Variants in BMPR1B observed in about 807,000 individuals in gnomAD.
The protein encoded by BMPR1B is bone morphogenetic protein receptor type-1B.
Under a neutral mutation model 59.1 loss-of-function variants are expected in BMPR1B, and 12 were observed. That is an observed-to-expected ratio of 0.20 (90% confidence interval 0.13 to 0.33). The LOEUF (loss-of-function observed/expected upper bound fraction) is 0.33, where lower values mean the gene tolerates loss of function less well. Ranked by LOEUF, BMPR1B falls within the 10% of genes least tolerant of loss-of-function variation. The pLI is 1.00. For synonymous variants in BMPR1B, 237 were observed against 207.3 expected (o/e 1.14, Z -1.23); for missense variants, 550 against 610.9 (o/e 0.90, Z 1.05).
intron 10 of BMPR1B, among the ~76,000 whole-genome samples, chr4:95,143,830 C>A (rs1734431259): frequency 2.0e-5 from 3 of 152,136 alleles, no homozygotes; most frequent in Admixed American, 2.0e-4. Flanking sequence ...AGTTGTGTTC[C>A]CCTTTGCATT....
At chr4:95,054,090 C>T (rs1397731204) in intron 3 of BMPR1B, among the ~76,000 whole-genome samples, 11 of 152,136 alleles carry the variant, frequency 7.2e-5, no homozygotes, top group Admixed American at 6.5e-4. Flanking sequence ...AAATAAATGT[C>T]TTTCAAAATG....
intron 3 of BMPR1B, among the ~76,000 whole-genome samples, chr4:95,047,380 A>G (rs1385212774): frequency 2.0e-5 from 3 of 152,112 alleles, no homozygotes; most frequent in Non-Finnish European, 4.4e-5. Context: ...TGATAGTTTT[A>G]AGCAGTGATG....
intron 1 of BMPR1B, among the ~76,000 whole-genome samples, chr4:94,846,939 A>C (rs1399732920): frequency 1.3e-5 from 2 of 152,162 alleles, no homozygotes; most frequent in African/African-American, 4.8e-5. Flanking sequence ...CCAAAGCAAA[A>C]ATGGACAAAT....
chr4:94,849,565 G>A (rs1381817625), intron 1 of BMPR1B, among the ~76,000 whole-genome samples: 1 of 152,060 alleles, frequency 6.6e-6, no homozygotes, highest in Non-Finnish European at 1.5e-5. Flanking sequence ...TACATCATGG[G>A]AATGATCTAG....
intron 2 of BMPR1B, among the ~76,000 whole-genome samples, chr4:94,933,285 ATAGT>A (rs1284574079): frequency 2.0e-5 from 3 of 151,918 alleles, no homozygotes; most frequent in Non-Finnish European, 4.4e-5. Flanking sequence ...CCATTATATC[ATAGT>A]TTATTTAACT....
At chr4:94,863,264 C>T (rs191951681) in intron 1 of BMPR1B, among the ~76,000 whole-genome samples, 1 of 152,298 alleles carries the variant, frequency 6.6e-6, no homozygotes, top group East Asian at 1.9e-4. Context: ...ATAAAACGTA[C>T]ACCAAACCCT....
chr4:95,054,001 C>G (rs1226141424), intron 3 of BMPR1B, among the ~76,000 whole-genome samples: 4 of 152,120 alleles, frequency 2.6e-5, no homozygotes, highest in Non-Finnish European at 4.4e-5. Flanking sequence ...ATACGAAACA[C>G]TGATAAATGA....
At position 95,125,015 on chromosome 4, in the gene BMPR1B, G is replaced by A. The variant is rs149589961; in HGVS notation, c.479G>A (p.Ser160Asn). Residue 160 changes from serine to asparagine, a missense_variant, in exon 8 of 13, where the codon AGC (serine) becomes AAC (asparagine). Coordinates refer to ENST00000515059, the MANE Select transcript of BMPR1B (RefSeq NM_001203.3). ...YKRQETRPRY[S>N]IGLEQDETYI... ...AGACAAGAAACCAGACCTCGATACA[G>A]CATTGGGTTAGAACAGGATGAAACT... The A allele has an allele frequency of 2.2e-5, 35 of 1,613,416 alleles. 1 individual carries two copies. The East Asian group carries it at 7.6e-4, about 35-fold the overall frequency.
intron 3 of BMPR1B, among the ~76,000 whole-genome samples, chr4:94,997,469 A>G (rs138151198): frequency 1.2e-4 from 19 of 152,358 alleles, no homozygotes; most frequent in African/African-American, 4.6e-4. Context: ...GCTGTGCAGT[A>G]TCACTTTTGT....
chr4:95,064,242 G>C (rs180779667), intron 3 of BMPR1B, among the ~76,000 whole-genome samples: 1 of 152,280 alleles, frequency 6.6e-6, no homozygotes, highest in Non-Finnish European at 1.5e-5. Context: ...CCAACCCCTG[G>C]ACCATGGACT....
chr4:94,798,551 C>T (rs1289883219), intron 1 of BMPR1B, among the ~76,000 whole-genome samples: 1 of 152,204 alleles, frequency 6.6e-6, no homozygotes, highest in Non-Finnish European at 1.5e-5. Flanking sequence ...CAACCATTTC[C>T]TTGCTCCCAC....
At position 95,120,731 on chromosome 4, in the gene BMPR1B, TTCTG is replaced by T. The variant is rs1347977075; in HGVS notation, c.350-3071_350-3068del. ...TCTCTCTCTCTTTCTCTCTCTCTCT[TTCTG>T]TCTGTCTCTCTCTTTCTCTCTCTCT... On this transcript the variant is annotated intron_variant, in intron 6 of 12. Coordinates refer to ENST00000515059, the MANE Select transcript of BMPR1B (RefSeq NM_001203.3). Among the ~76,000 whole-genome samples the T allele has an allele frequency of 3.2e-4, 48 of 149,296 alleles. 1 individual carries two copies. The highest frequency in any genetic ancestry group is 1.1e-3 in the Admixed American group (17 of 14,926).
At chr4:95,036,020 T>C (rs1190450113) in intron 3 of BMPR1B, among the ~76,000 whole-genome samples, 9 of 152,118 alleles carry the variant, frequency 5.9e-5, no homozygotes, top group Non-Finnish European at 1.3e-4. Flanking sequence ...TATTCCTAAG[T>C]ATTTTATTTT....
intron 3 of BMPR1B, among the ~76,000 whole-genome samples, chr4:95,100,804 TA>T (rs528476627): frequency 5.9e-5 from 9 of 152,202 alleles, no homozygotes; most frequent in Non-Finnish European, 1.3e-4. Context: ...ATTATATTTT[TA>T]AAGTTCTTTA....
At chr4:95,056,821 C>T (rs1726966938) in intron 3 of BMPR1B, among the ~76,000 whole-genome samples, 1 of 152,144 alleles carries the variant, frequency 6.6e-6, no homozygotes, top group African/African-American at 2.4e-5. Flanking sequence ...AAAAATGATC[C>T]AACCTTTTTC....
intron 2 of BMPR1B, among the ~76,000 whole-genome samples, chr4:94,911,619 A>C (rs1223848499): frequency 1.3e-5 from 2 of 152,162 alleles, no homozygotes; most frequent in African/African-American, 4.8e-5. Context: ...TCATTTGAAG[A>C]GATAATATAA....
intron 1 of BMPR1B, among the ~76,000 whole-genome samples, chr4:94,857,429 A>G (rs535039680): frequency 3.3e-5 from 5 of 152,338 alleles, no homozygotes; most frequent in African/African-American, 4.8e-5. Context: ...ATCTATATAA[A>G]ATGACAACAG....
intron 10 of BMPR1B, among the ~76,000 whole-genome samples, chr4:95,148,420 T>C (rs962900036): frequency 2.6e-5 from 4 of 152,078 alleles, no homozygotes; most frequent in African/African-American, 9.7e-5. Flanking sequence ...GTTTTTTTTT[T>C]CTAACTTTTT....
At chr4:94,760,114 G>A (rs955449634) in intron 1 of BMPR1B, among the ~76,000 whole-genome samples, 3 of 152,118 alleles carry the variant, frequency 2.0e-5, no homozygotes, top group African/African-American at 7.2e-5. Context: ...GCACTGATTT[G>A]TGTTTTTAAA....
Sources: gnomAD v4.1 joint callset for allele counts (sites outside exome capture counted in the v4.1 genomes callset) on GRCh38, gnomAD v4.1.1 for gene constraint, MANE v1.5 for transcripts, NCBI Gene and HGNC (gene_info 2026-07-23, HGNC 2026-07-21) for gene names.